Variants in ENGASE observed in about 807,000 individuals in gnomAD.
The protein encoded by ENGASE is endo-beta-N-acetylglucosaminidase, also known as cytosolic endo-beta-N-acetylglucosaminidase.
In ENGASE, 69 loss-of-function variants were observed where a neutral mutation model predicts 78.5. The observed-to-expected ratio is 0.88, with a 90% CI of 0.72 to 1.07. The LOEUF is 1.07. Ranked by LOEUF, ENGASE falls within the 50% of genes least tolerant of loss-of-function variation. The pLI, the probability that ENGASE is intolerant of heterozygous loss-of-function variation, is 0.00. For synonymous variants in ENGASE, 408 were observed against 408.9 expected (o/e 1.00, Z 0.03); for missense variants, 943 against 988.4 (o/e 0.95, Z 0.62).
chr17:79,086,388 G>A lies in ENGASE; in HGVS notation c.*39G>A, dbSNP rs776888723. The A allele has an allele frequency of 5.7e-5, 90 of 1,579,588 alleles. No individual in the cohort carries two copies. Among genetic ancestry groups the A allele is most frequent in the Non-Finnish European group, 6.9e-5 (80 of 1,162,762 alleles). ...CCGGGTGGTCTCCTGGCCTCGGGCT[G>A]AGGCCTCTTCCCGGCTGTCTGCCCC... On this transcript the variant is annotated 3_prime_UTR_variant, in exon 14 of 14. Transcript: ENST00000579016.
chr17:79,086,280 C>T lies in ENGASE; in HGVS notation c.2163C>T (p.Pro721=), dbSNP rs756500030. 6.8e-5 allele frequency: 109 copies of T among 1,613,548 alleles called. No homozygotes were observed. The highest frequency in any genetic ancestry group is 8.6e-5 in the Non-Finnish European group (101 of 1,180,048). Reference sequence around the variant, plus strand: ...TGGAATTTCTGGTGGAGCCTGTCCCCAAGGAAGGGTTCCGGGTACCTCAGG... The same window carrying T: ...TGGAATTTCTGGTGGAGCCTGTCCCTAAGGAAGGGTTCCGGGTACCTCAGG... The part of the protein sequence containing the change: ...RRMEFLVEPV[P]KEGFRVPQAE... Residue 721 remains proline, a synonymous_variant, in exon 14 of 14, where the codon CCC becomes CCT. Transcript: ENST00000579016.
intron 3 of ENGASE, among the ~76,000 whole-genome samples, chr17:79,078,732 A>G (rs974760026): frequency 7.9e-5 from 12 of 152,332 alleles, no homozygotes; most frequent in African/African-American, 2.9e-4. Flanking sequence ...AGAGCCAACC[A>G]TCAAGGTAGA....
chr17:79,084,970 C>T (rs112345132), intron 11 of ENGASE, among the ~76,000 whole-genome samples: 1,558 of 152,214 alleles, frequency 0.01, 15 homozygotes, highest in South Asian at 0.021. Context: ...TGCTGCTGGC[C>T]GTGGCGTGGA....
Position 79,083,714 on chromosome 17 carries a change from G to C in ENGASE, c.1252-47G>C, listed in dbSNP as rs1256298510. On this transcript the variant is annotated intron_variant, in intron 9 of 13. Transcript: ENST00000579016. The surrounding 1 kb of genome is among the most constrained non-coding windows in gnomAD (Gnocchi z 4.9). ...CTTCCCTGCCGCTCCGGGCACCCCT[G>C]CTCTGTTGGCCTCTGCTGAGTGCCC... 1 of 1,584,594 alleles carries C rather than the reference G, an allele frequency of 6.3e-7. No individual in the cohort carries two copies. Among genetic ancestry groups the C allele is most frequent in the East Asian group, 2.2e-5 (1 of 44,552 alleles).
chr17:79,075,108 G>A lies in ENGASE; in HGVS notation c.146+18G>A. On this transcript the variant is annotated intron_variant, in intron 1 of 13. Coordinates refer to ENST00000579016, the MANE Select transcript of ENGASE (RefSeq NM_001042573.3). ...GGAAGGAGGTGGGGCTGCGGGGCCC[G>A]CGTGAACCCCGATCCGCGGGGCTGA... 1 of 1,206,216 alleles carries A rather than the reference G, an allele frequency of 8.3e-7. No individual in the cohort carries two copies. The highest frequency in any genetic ancestry group is 1.6e-5 in the African/African-American group (1 of 63,398). The allele number at this position is 1,206,216 out of a possible 1,614,324, so 74.7% of individuals were successfully genotyped here.
rs561928967 is a variant in ENGASE at position 79,085,756 on chromosome 17, C to T, written c.1815+22C>T. ...CCAGGTGATGCTTCCCAGAGGGGCTCGGGCTGGGCTGGCTGTTTGTCCAGC... is the reference window on the plus strand; with the variant it reads ...CCAGGTGATGCTTCCCAGAGGGGCTTGGGCTGGGCTGGCTGTTTGTCCAGC... On this transcript the variant is annotated intron_variant, in intron 13 of 13. Coordinates refer to ENST00000579016, the MANE Select transcript of ENGASE (RefSeq NM_001042573.3). 79 of 1,610,738 alleles carry T rather than the reference C, an allele frequency of 4.9e-5. 1 individual carries two copies. In the South Asian group the frequency reaches 5.3e-4, roughly 11 times the overall value.
At position 79,083,624 on chromosome 17, in the gene ENGASE, T is replaced by C; in HGVS notation, c.1251+34T>C. The C allele has an allele frequency of 6.3e-7, 1 of 1,591,096 alleles. No homozygotes were observed. The highest frequency in any genetic ancestry group is 8.6e-7 in the Non-Finnish European group (1 of 1,159,750). ...GTGTCTTCCCTCCGTGTCTGTCCTCTGGCCTCAGCTGGGACAGGTGGGAGG... is the reference window on the plus strand; with the variant it reads ...GTGTCTTCCCTCCGTGTCTGTCCTCCGGCCTCAGCTGGGACAGGTGGGAGG... On this transcript the variant is annotated intron_variant, in intron 9 of 13. Transcript: ENST00000579016. This position sits in a 1 kb window ranked among gnomAD's most constrained non-coding sequence, Gnocchi z 4.9.
In ENGASE at chr17:79,085,643, G is replaced by A. The variant is rs755003178; in HGVS notation, c.1724G>A (p.Gly575Glu). ...AGCTGCTACGAGGTGAGCCTGCGTG[G>A]GTGCCTGCTGCTAGACCTCCTCGTT... is the stretch of plus-strand genomic sequence containing the variant. ...VQHCYEVSLRGCLLLDLLVCF... is the reference protein window; with the variant it reads ...VQHCYEVSLRECLLLDLLVCF... Residue 575 changes from glycine (G) to glutamate (E), a missense_variant, in exon 13 of 14, where the codon GGG becomes GAG. Coordinates refer to ENST00000579016, the MANE Select transcript of ENGASE (RefSeq NM_001042573.3). 2 of 1,613,794 alleles carry A rather than the reference G, an allele frequency of 1.2e-6. No homozygotes were observed. Among genetic ancestry groups the A allele is most frequent in the Admixed American group, 1.7e-5 (1 of 60,004 alleles).
chr17:79,083,068 C>A lies in ENGASE; in HGVS notation c.1087C>A (p.Pro363Thr). The A allele has an allele frequency of 6.2e-7, 1 of 1,614,084 alleles. No homozygotes were observed. Among genetic ancestry groups the A allele is most frequent in the South Asian group, 1.1e-5 (1 of 91,066 alleles). The part of the protein sequence containing the change: ...KHGFSVALFA[P>T]GWVYECLEKK... ...TGGCTTCTCCGTGGCTTTGTTTGCC[C>A]CCGGCTGGGTGTATGAGTGTCTGGA... Residue 363 changes from proline (P) to threonine (T), a missense_variant, in exon 8 of 14, where the codon CCC (proline) becomes ACC (threonine). Coordinates refer to ENST00000579016, the MANE Select transcript of ENGASE (RefSeq NM_001042573.3). This position sits in a 1 kb window ranked among gnomAD's most constrained non-coding sequence, Gnocchi z 4.9.
Position 79,074,867 on chromosome 17 carries a change from C to T in ENGASE, c.-78C>T, listed in dbSNP as rs954271501. ...CCGTCCCAGCGCGGCGTCAGCGCTGCGCACTTCCCATTGGCCGAGCGCGGC... is the reference window on the plus strand; with the variant it reads ...CCGTCCCAGCGCGGCGTCAGCGCTGTGCACTTCCCATTGGCCGAGCGCGGC... On this transcript the variant is annotated 5_prime_UTR_variant, in exon 1 of 14. Transcript: ENST00000579016. 3.3e-6 allele frequency: 4 copies of T among 1,218,944 alleles called. No homozygotes were observed. In the African/African-American group the frequency reaches 6.2e-5, roughly 19 times the overall value. 75.5% of individuals were successfully genotyped at this position (1,218,944 alleles called of 1,614,324 possible). A position where few individuals can be genotyped will look rare whatever the true frequency, so the allele number is the denominator to read the frequency against.
At chr17:79,084,183 C>T (rs2073226059) in intron 10 of ENGASE, 2 of 562,392 alleles carry the variant, frequency 3.6e-6, no homozygotes, top group Admixed American at 7.2e-5. Flanking sequence ...GTGACAGATC[C>T]CTAGAACTGT....
At position 79,085,283 on chromosome 17, in the gene ENGASE, C is replaced by A. The variant is rs762330771; in HGVS notation, c.1641C>A (p.Thr547=). ...TCCGACCCCTCCGGGTGCCCCCCACCAAGCTGGCCAGATGGGTGGGCCGCT... is the reference window on the plus strand; with the variant it reads ...TCCGACCCCTCCGGGTGCCCCCCACAAAGCTGGCCAGATGGGTGGGCCGCT... The part of the protein sequence containing the change: ...HSLRPLRVPP[T]KLARWVGRCG... Residue 547 remains threonine (T), a synonymous_variant, in exon 12 of 14, where the codon ACC becomes ACA. Coordinates refer to ENST00000579016, the MANE Select transcript of ENGASE (RefSeq NM_001042573.3). 3.7e-6 allele frequency: 6 copies of A among 1,613,490 alleles called. No individual in the cohort carries two copies. The highest frequency in any genetic ancestry group is 5.1e-6 in the Non-Finnish European group (6 of 1,179,996).
In ENGASE at chr17:79,087,135, C is replaced by T. The variant is rs542928870; in HGVS notation, c.*786C>T. ...GCGCTGTGGCCCTGCCTCTGCCCAG[C>T]GAGAGGCCGTGGGCTCTGGACAAGC... On this transcript the variant is annotated 3_prime_UTR_variant, in exon 14 of 14. Transcript: ENST00000579016. 24 of 443,104 alleles carry T rather than the reference C, an allele frequency of 5.4e-5. No individual in the cohort carries two copies. The highest frequency in any genetic ancestry group is 3.8e-4 in the African/African-American group (19 of 49,780). The allele number at this position is 443,104 out of a possible 1,614,324, so 27.4% of individuals were successfully genotyped here.
intron 3 of ENGASE, 72 bp downstream of exon 3, chr17:79,077,936 G>GGC: frequency 1.1e-5 from 8 of 721,520 alleles, no homozygotes; most frequent in Non-Finnish European, 1.5e-5. Context: ...GGAGGGGCGG[G>GGC]AGAGAGTGCC....
At position 79,086,118 on chromosome 17, in the gene ENGASE, AGG is replaced by A. The variant is rs1289310133; in HGVS notation, c.2003_2004del (p.Gly668AspfsTer3). The A allele has an allele frequency of 1.1e-5, 17 of 1,613,658 alleles. No homozygotes were observed. The highest frequency in any genetic ancestry group is 1.4e-5 in the Non-Finnish European group (16 of 1,180,020). On this transcript the variant is annotated frameshift_variant, in exon 14 of 14. Transcript: ENST00000579016. LOFTEE classifies it low-confidence loss of function (END_TRUNC). ...VRCFRIHCWGGMSDDSPGREL... is the reference protein window; with the variant it reads ...VRCFRIHCWGXMSDDSPGREL... Reference sequence around the variant, plus strand: ...GTTGCTTCCGAATCCACTGCTGGGGAGGGATGAGTGATGACTCTCCGGGCAGG... The same window carrying A: ...GTTGCTTCCGAATCCACTGCTGGGGAGATGAGTGATGACTCTCCGGGCAGG...
rs917698927 is a variant in ENGASE, at chr17:79,081,008, C to G, written c.807C>G (p.Leu269=). The change falls in exon 6 of 14, where the codon CTC becomes CTG. Residue 269 remains leucine (L), a synonymous_variant. Transcript: ENST00000579016. ...GGCAGGTCCCAGGGGGCCTGGTGCT[C>G]TGGTATGACAGCGTGGTGCAAAGTG... is the stretch of plus-strand genomic sequence containing the variant. The part of the protein sequence containing the change: ...LHRQVPGGLV[L]WYDSVVQSGQ... 9.9e-6 allele frequency: 16 copies of G among 1,612,674 alleles called. No individual in the cohort carries two copies. The highest frequency in any genetic ancestry group is 1.4e-5 in the Non-Finnish European group (16 of 1,179,930).
At chr17:79,085,169 T>G (rs2073257800) in intron 11 of ENGASE, 65 bp from the exon 12 acceptor site, 1 of 1,328,824 alleles carries the variant, frequency 7.5e-7, no homozygotes, top group African/African-American at 1.4e-5. Flanking sequence ...GCGCCCTTGG[T>G]GGTCCTTCTC....
At chr17:79,080,546 A>G (rs1329461379) in intron 5 of ENGASE, among the ~76,000 whole-genome samples, 182 bp downstream of exon 5, 4 of 152,180 alleles carry the variant, frequency 2.6e-5, no homozygotes, top group Non-Finnish European at 5.9e-5. Flanking sequence ...GTGAGACAGA[A>G]TCTCCTCCGA....
chr17:79,085,781 C>T (rs765110555), intron 13 of ENGASE, 47 bp downstream of exon 13: 2 of 1,606,196 alleles, frequency 1.2e-6, no homozygotes, highest in Non-Finnish European at 1.7e-6. Flanking sequence ...GTTTGTCCAG[C>T]TGGAGTGGGG....
Sources: gnomAD v4.1 joint callset for allele counts (sites outside exome capture counted in the v4.1 genomes callset) on GRCh38, gnomAD v4.1.1 for gene constraint, Gnocchi (gnomAD v3.1) non-coding constraint, MANE v1.5 for transcripts, NCBI Gene and HGNC (gene_info 2026-07-23, HGNC 2026-07-21) for gene names.